SYT1: variants seen among roughly 807,000 people sequenced by gnomAD.
The protein encoded by SYT1 is synaptotagmin-1.
SYT1 carries 8 observed loss-of-function variants against 44.8 expected under a neutral mutation model. The observed-to-expected ratio is 0.18, with a 90% CI of 0.10 to 0.32. SYT1 has a LOEUF of 0.32. Ranked by LOEUF, SYT1 falls within the 10% of genes least tolerant of loss-of-function variation. The pLI is 1.00. For missense variants in SYT1, 286 were observed against 509.3 expected (o/e 0.56, Z 4.22); for synonymous variants, 154 against 188.8 (o/e 0.82, Z 1.51).
Position 79,297,824 on chromosome 12 carries a change from A to G in SYT1, c.643-1560A>G, listed in dbSNP as rs149429676. Among the ~76,000 whole-genome samples, 839 of 152,290 alleles carry G rather than the reference A, an allele frequency of 5.5e-3. 8 individuals are homozygous for G. Among genetic ancestry groups the G allele is most frequent in the African/African-American group, 0.019 (794 of 41,584 alleles). Reference sequence around the variant, plus strand: ...AGACTTTAAAGAAGCCTGGCTTTACAATGGATTTAAATCACTTAACAGGAA... The same window carrying G: ...AGACTTTAAAGAAGCCTGGCTTTACGATGGATTTAAATCACTTAACAGGAA... On this transcript the variant is annotated intron_variant, in intron 7 of 10. Transcript: ENST00000261205.
intron 1 of SYT1, among the ~76,000 whole-genome samples, chr12:78,882,496 A>T (rs1172791158): frequency 4.0e-5 from 6 of 151,758 alleles, no homozygotes; most frequent in Non-Finnish European, 5.9e-5. Flanking sequence ...TATATCTGAG[A>T]GTAAATATTC....
At chr12:78,906,629 C>G (rs899834844) in intron 1 of SYT1, among the ~76,000 whole-genome samples, 1 of 152,180 alleles carries the variant, frequency 6.6e-6, no homozygotes, top group African/African-American at 2.4e-5. Context: ...GAAGTCCTGG[C>G]CTCTTGTGGA....
At chr12:78,943,405 G>A (rs1161070881) in intron 1 of SYT1, among the ~76,000 whole-genome samples, 2 of 152,160 alleles carry the variant, frequency 1.3e-5, no homozygotes, top group African/African-American at 4.8e-5. Context: ...CACATGGTCA[G>A]AGCAGGAGCA....
At chr12:79,328,133 C>T (rs1881688830) in intron 8 of SYT1, among the ~76,000 whole-genome samples, 2 of 152,078 alleles carry the variant, frequency 1.3e-5, no homozygotes, top group African/African-American at 2.4e-5. Flanking sequence ...TTTAGGAGTC[C>T]ATGAACGATA....
chr12:79,150,149 T>C (rs373423405), intron 3 of SYT1, among the ~76,000 whole-genome samples: 2 of 152,174 alleles, frequency 1.3e-5, no homozygotes, highest in African/African-American at 4.8e-5. Flanking sequence ...TAGTGTTTCA[T>C]GGTGAGAGCA....
At chr12:79,151,514 G>A (rs935123817) in intron 3 of SYT1, among the ~76,000 whole-genome samples, 1 of 152,020 alleles carries the variant, frequency 6.6e-6, no homozygotes, top group African/African-American at 2.4e-5. Flanking sequence ...GAAGAGAGTC[G>A]GCCATTAATG....
chr12:79,279,764 T>G (rs1878943329), intron 4 of SYT1, among the ~76,000 whole-genome samples: 1 of 152,046 alleles, frequency 6.6e-6, no homozygotes, highest in Non-Finnish European at 1.5e-5. Context: ...CCCCAAAGAC[T>G]CCTAGATTTG....
intron 3 of SYT1, among the ~76,000 whole-genome samples, chr12:79,073,776 T>A (rs866581510): frequency 1.3e-5 from 2 of 152,152 alleles, no homozygotes; most frequent in South Asian, 2.1e-4. Flanking sequence ...GCTGTATGTA[T>A]CTGCTCACCT....
intron 4 of SYT1, among the ~76,000 whole-genome samples, chr12:79,271,164 A>C (rs952958443): frequency 1.8e-4 from 28 of 152,314 alleles, no homozygotes; most frequent in East Asian, 9.7e-4. Flanking sequence ...CTCTTGGTGA[A>C]GATTTCATCT....
intron 9 of SYT1, among the ~76,000 whole-genome samples, chr12:79,355,804 A>G (rs982951277): frequency 6.6e-6 from 1 of 152,120 alleles, no homozygotes; most frequent in African/African-American, 2.4e-5. Context: ...CATTCATTCA[A>G]TAAACATATA....
intron 3 of SYT1, among the ~76,000 whole-genome samples, chr12:79,110,076 T>G (rs1052350881): frequency 2.6e-5 from 4 of 152,202 alleles, no homozygotes; most frequent in Non-Finnish European, 4.4e-5. Context: ...AATATCACAT[T>G]TCATCCTAAT....
intron 3 of SYT1, among the ~76,000 whole-genome samples, chr12:79,179,520 T>G (rs534742840): frequency 6.0e-3 from 72 of 11,992 alleles, no homozygotes; most frequent in African/African-American, 0.024. Context: ...TAGATATATC[T>G]ATATAGATAT....
At chr12:78,883,465 A>G (rs1565700968) in intron 1 of SYT1, among the ~76,000 whole-genome samples, 2 of 151,718 alleles carry the variant, frequency 1.3e-5, no homozygotes, top group Non-Finnish European at 3.0e-5. Context: ...AGATGTAGTC[A>G]AGTCTTCTCT....
chr12:79,102,961 G>A (rs1006437898), intron 3 of SYT1: 1 of 151,116 alleles, frequency 6.6e-6, no homozygotes, highest in African/African-American at 2.5e-5. Context: ...ATTCATTGTA[G>A]CATTTCATCC....
At chr12:79,125,637 GA>G (rs575744028) in intron 3 of SYT1, among the ~76,000 whole-genome samples, 2 of 138,096 alleles carry the variant, frequency 1.4e-5, no homozygotes. Context: ...AAGAAAAAAA[GA>G]AAAAAAAAGA....
intron 3 of SYT1, among the ~76,000 whole-genome samples, chr12:79,053,814 C>T (rs1450917313): frequency 6.6e-6 from 1 of 151,700 alleles, no homozygotes; most frequent in African/African-American, 2.4e-5. Flanking sequence ...TTTATGAAGG[C>T]ATGTTTCTGA....
At chr12:78,951,142 T>C (rs1009838199) in intron 1 of SYT1, among the ~76,000 whole-genome samples, 1 of 152,164 alleles carries the variant, frequency 6.6e-6, no homozygotes, top group Non-Finnish European at 1.5e-5. Flanking sequence ...CTAAATCTTT[T>C]TTCCTAATTC....
Position 79,061,968 on chromosome 12 carries a change from A to G in SYT1, c.-18+14606A>G, listed in dbSNP as rs112704019. Among the ~76,000 whole-genome samples, 908 of 152,304 alleles carry G rather than the reference A, an allele frequency of 6.0e-3. 5 individuals are homozygous for G. Among genetic ancestry groups the G allele is most frequent in the Admixed American group, 8.8e-3 (135 of 15,278 alleles). On this transcript the variant is annotated intron_variant, in intron 3 of 10. Transcript: ENST00000261205. ...AGTAATAGAACAAGCGAAGGAGAAGAAAAAGATAATTTTTTTAAAAAAGAA... is the reference window on the plus strand; with the variant it reads ...AGTAATAGAACAAGCGAAGGAGAAGGAAAAGATAATTTTTTTAAAAAAGAA...
At chr12:78,920,177 A>C (rs1326531852) in intron 1 of SYT1, among the ~76,000 whole-genome samples, 2 of 152,050 alleles carry the variant, frequency 1.3e-5, no homozygotes, top group Non-Finnish European at 2.9e-5. Context: ...GAAATGTGCA[A>C]ACTAAATTAA....
Sources: allele counts gnomAD v4.1 joint callset (sites outside exome capture counted in the v4.1 genomes callset), GRCh38; gene constraint gnomAD v4.1.1; transcripts MANE v1.5; gene names NCBI Gene and HGNC (gene_info 2026-07-23, HGNC 2026-07-21).